SPATA6: variants seen among roughly 807,000 people sequenced by gnomAD.
The protein encoded by SPATA6 is spermatogenesis associated 6.
Under a neutral mutation model 65.3 loss-of-function variants are expected in SPATA6, and 56 were observed. That is an observed-to-expected ratio of 0.86 (90% CI 0.69 to 1.07). SPATA6 has a LOEUF of 1.07. SPATA6 is among the 50% of genes least tolerant of loss of function. The probability of loss-of-function intolerance (pLI) is 0.00; values close to 1 mark genes in which losing one functional copy is unlikely to be tolerated. For synonymous variants in SPATA6, 199 were observed against 213.2 expected, an observed-to-expected ratio of 0.93 and a Z score of 0.58; for missense variants, 590 against 594.8, an observed-to-expected ratio of 0.99 and a Z score of 0.08.
chr1:48,400,523 T>C (rs1030291979), intron 6 of SPATA6, among the ~76,000 whole-genome samples: 10 of 151,980 alleles, frequency 6.6e-5, no homozygotes, highest in Non-Finnish European at 1.5e-4. Context: ...TTCAAGAAAA[T>C]GGACTGCGGA....
intron 4 of SPATA6, among the ~76,000 whole-genome samples, chr1:48,412,613 G>A (rs2147986292): frequency 6.6e-6 from 1 of 152,242 alleles, no homozygotes; most frequent in South Asian, 2.1e-4. Context: ...TTGGGAAGAG[G>A]AGGATAGATG....
At chr1:48,360,684 T>C (rs1008133453) in intron 9 of SPATA6, among the ~76,000 whole-genome samples, 4 of 152,176 alleles carry the variant, frequency 2.6e-5, no homozygotes, top group Non-Finnish European at 5.9e-5. Context: ...TTTTTCCTTC[T>C]ATAAATAGGA....
At chr1:48,443,430 GA>G (rs1190047179) in intron 3 of SPATA6, among the ~76,000 whole-genome samples, 1 of 152,180 alleles carries the variant, frequency 6.6e-6, no homozygotes, top group East Asian at 1.9e-4. Flanking sequence ...ACAGGAACCA[GA>G]AAAGCAGGTT....
chr1:48,405,627 G>A (rs918993842), intron 5 of SPATA6, among the ~76,000 whole-genome samples: 2 of 152,180 alleles, frequency 1.3e-5, no homozygotes, highest in Admixed American at 1.3e-4. Flanking sequence ...TTCTCATGAT[G>A]TGGTTCTAGT....
intron 11 of SPATA6, among the ~76,000 whole-genome samples, chr1:48,334,456 C>A (rs190386295): frequency 1.3e-5 from 2 of 152,154 alleles, no homozygotes; most frequent in Admixed American, 1.3e-4. Flanking sequence ...GACTTTAATC[C>A]CTGGGATGCA....
chr1:48,390,222 A>C (rs1649907987), intron 8 of SPATA6, among the ~76,000 whole-genome samples: 1 of 152,200 alleles, frequency 6.6e-6, no homozygotes, highest in Non-Finnish European at 1.5e-5. Context: ...CAATGGAATA[A>C]TAAAGTAATT....
At chr1:48,366,224 A>G (rs546608336) in intron 9 of SPATA6, among the ~76,000 whole-genome samples, 1 of 152,084 alleles carries the variant, frequency 6.6e-6, no homozygotes, top group Non-Finnish European at 1.5e-5. Flanking sequence ...TTCTGCATCA[A>G]TGTTCATCAA....
chr1:48,282,939 T>G, the SPATA6 span, among the ~76,000 whole-genome samples: 2 of 151,784 alleles, frequency 1.3e-5, no homozygotes, highest in African/African-American at 4.8e-5. Context: ...AATCCAAATA[T>G]CCAACAATGA....
In SPATA6 at chr1:48,418,833, GA is replaced by G. The variant is rs1244777943; in HGVS notation, c.239-5683del. Among the ~76,000 whole-genome samples the G allele has an allele frequency of 8.3e-5, 12 of 144,476 alleles. No homozygotes were observed. In the South Asian group the frequency reaches 2.3e-3, roughly 28 times the overall value. The allele number at this position is 144,476 out of a possible 152,430, so 94.8% of individuals were successfully genotyped here. ...GGAGGGAAGGAGGGAGGGAGGGAAA[GA>G]GAGAGAGAGGAGAGGAGAGGGGAGG... On this transcript the variant is annotated intron_variant, in intron 3 of 12. Coordinates refer to ENST00000371847, the MANE Select transcript of SPATA6 (RefSeq NM_019073.4).
At chr1:48,328,833 C>G (rs1645837322) in intron 11 of SPATA6, among the ~76,000 whole-genome samples, 3 of 152,036 alleles carry the variant, frequency 2.0e-5, no homozygotes, top group African/African-American at 7.2e-5. Flanking sequence ...TTTTCATTAT[C>G]TCAAGTAGAT....
chr1:48,356,575 G>A (rs1345913533), intron 10 of SPATA6, among the ~76,000 whole-genome samples: 4 of 144,506 alleles, frequency 2.8e-5, no homozygotes, highest in South Asian at 2.2e-4. Flanking sequence ...GTGCAATGGC[G>A]CGACCTTGGT....
intron 11 of SPATA6, among the ~76,000 whole-genome samples, chr1:48,330,355 A>G (rs1433011519): frequency 1.3e-5 from 2 of 152,214 alleles, no homozygotes; most frequent in African/African-American, 2.4e-5. Flanking sequence ...CCTCTGGCCC[A>G]GTGGCTCCAC....
intron 12 of SPATA6, among the ~76,000 whole-genome samples, chr1:48,303,690 T>C (rs1021958942): frequency 6.6e-6 from 1 of 152,222 alleles, no homozygotes; most frequent in Non-Finnish European, 1.5e-5. Context: ...GATTTCATAG[T>C]TTTGTTATTG....
chr1:48,324,992 A>C, intron 11 of SPATA6: 1 of 207,432 alleles, frequency 4.8e-6, no homozygotes, highest in East Asian at 1.1e-4. Context: ...GCACACATGG[A>C]AAGTTTTTCT....
At chr1:48,272,606 A>G in the SPATA6 span, among the ~76,000 whole-genome samples, 1 of 152,148 alleles carries the variant, frequency 6.6e-6, no homozygotes, top group Non-Finnish European at 1.5e-5. Context: ...ACTTAGGTTG[A>G]TTCCATATCT....
intron 11 of SPATA6, among the ~76,000 whole-genome samples, chr1:48,313,909 A>C (rs940603789): frequency 6.6e-6 from 1 of 152,168 alleles, no homozygotes; most frequent in African/African-American, 2.4e-5. Context: ...TGATAAAACA[A>C]ACTTTAAATC....
chr1:48,446,921 C>A (rs961669984), intron 3 of SPATA6, among the ~76,000 whole-genome samples: 2 of 152,098 alleles, frequency 1.3e-5, no homozygotes, highest in Non-Finnish European at 2.9e-5. Context: ...CATTTATACA[C>A]GAATTTTCTT....
At chr1:48,310,604 G>GAA (rs1645179855) in intron 11 of SPATA6, among the ~76,000 whole-genome samples, 1 of 152,120 alleles carries the variant, frequency 6.6e-6, no homozygotes, top group African/African-American at 2.4e-5. Context: ...ATTCTCTAGA[G>GAA]AAAACAGAAC....
chr1:48,286,867 T>A, the SPATA6 span, among the ~76,000 whole-genome samples: 1 of 151,948 alleles, frequency 6.6e-6, no homozygotes, highest in Non-Finnish European at 1.5e-5. Flanking sequence ...TGAAGCCCTG[T>A]CTCTACTAAA....
Sources: allele counts gnomAD v4.1 joint callset (sites outside exome capture counted in the v4.1 genomes callset), GRCh38; gene constraint gnomAD v4.1.1; transcripts MANE v1.5; gene names NCBI Gene and HGNC (gene_info 2026-07-23, HGNC 2026-07-21).